DLG2: variants seen among roughly 807,000 people sequenced by gnomAD.
The protein encoded by DLG2 is disks large homolog 2.
In DLG2, 45 loss-of-function variants were observed where a neutral mutation model predicts 132.5. That is an observed-to-expected ratio of 0.34 (90% confidence interval 0.27 to 0.44). The LOEUF (loss-of-function observed/expected upper bound fraction) is 0.44, where lower values mean the gene tolerates loss of function less well. DLG2 is among the 20% of genes least tolerant of loss of function. The pLI is 1.00. For synonymous variants in DLG2, 424 were observed against 419.6 expected (o/e 1.01, Z -0.13); for missense variants, 1,045 against 1,196.9 (o/e 0.87, Z 1.87).
chr11:84,832,387 A>G (rs2079153941), intron 6 of DLG2, among the ~76,000 whole-genome samples: 1 of 151,682 alleles, frequency 6.6e-6, no homozygotes. Flanking sequence ...ATGCTTTTGA[A>G]GTAGGACAAA....
chr11:83,978,096 G>T (rs1451055995), intron 12 of DLG2, among the ~76,000 whole-genome samples: 1 of 151,128 alleles, frequency 6.6e-6, no homozygotes, highest in Admixed American at 6.6e-5. Context: ...TTATATCTAC[G>T]ATGAATATCA....
chr11:85,280,994 A>G (rs2078189298), intron 4 of DLG2, among the ~76,000 whole-genome samples: 1 of 152,026 alleles, frequency 6.6e-6, no homozygotes. Flanking sequence ...ACAACATATT[A>G]CAGGTTAAAA....
chr11:84,467,952 A>G (rs2099098827), intron 7 of DLG2, among the ~76,000 whole-genome samples: 1 of 151,566 alleles, frequency 6.6e-6, no homozygotes, highest in South Asian at 2.1e-4. Flanking sequence ...TATTGAATCC[A>G]GGAAATATGA....
At chr11:83,482,226 T>G (rs888914841) in intron 22 of DLG2, among the ~76,000 whole-genome samples, 1 of 152,102 alleles carries the variant, frequency 6.6e-6, no homozygotes, top group Non-Finnish European at 1.5e-5. Context: ...GTATCAATAC[T>G]CAGGGTTATA....
chr11:84,041,847 T>G (rs563715046), intron 11 of DLG2, among the ~76,000 whole-genome samples: 12 of 151,914 alleles, frequency 7.9e-5, no homozygotes, highest in African/African-American at 2.4e-4. Context: ...TGGTGGGCGG[T>G]GATTGAATTA....
intron 7 of DLG2, among the ~76,000 whole-genome samples, chr11:84,462,324 T>C (rs2099082469): frequency 6.6e-6 from 1 of 151,094 alleles, no homozygotes; most frequent in Non-Finnish European, 1.5e-5. Context: ...ACATTCTATT[T>C]GATGACTATA....
chr11:83,859,398 A>C (rs2061066167), intron 16 of DLG2, among the ~76,000 whole-genome samples: 1 of 152,182 alleles, frequency 6.6e-6, no homozygotes, highest in Non-Finnish European at 1.5e-5. Flanking sequence ...GGAAACGGGG[A>C]ACTTGTTGGG....
intron 11 of DLG2, among the ~76,000 whole-genome samples, chr11:84,037,118 G>A (rs1347492615): frequency 6.6e-6 from 1 of 152,002 alleles, no homozygotes; most frequent in Admixed American, 6.6e-5. Context: ...CCATGTAACA[G>A]GTAATATACC....
At chr11:85,237,274 G>A (rs2016454217) in intron 4 of DLG2, among the ~76,000 whole-genome samples, 2 of 151,958 alleles carry the variant, frequency 1.3e-5, no homozygotes, top group Non-Finnish European at 2.9e-5. Context: ...AAAGGAGGGT[G>A]GAAATTAAAA....
chr11:84,417,249 T>C (rs1202056369), intron 7 of DLG2, among the ~76,000 whole-genome samples: 1 of 152,206 alleles, frequency 6.6e-6, no homozygotes, highest in Admixed American at 6.5e-5. Context: ...ACTTATTATA[T>C]GATCTATGAA....
intron 4 of DLG2, among the ~76,000 whole-genome samples, chr11:85,168,972 T>TC (rs1245504081): frequency 1.3e-5 from 2 of 152,154 alleles, no homozygotes; most frequent in Admixed American, 6.5e-5. Flanking sequence ...AACACGGTCA[T>TC]CCCCTCAGTA....
chr11:84,028,913 C>G (rs1280754056), intron 11 of DLG2, among the ~76,000 whole-genome samples: 1 of 152,006 alleles, frequency 6.6e-6, no homozygotes, highest in African/African-American at 2.4e-5. Flanking sequence ...AAGAAAATTT[C>G]AGAAAAATTT....
chr11:85,099,905 C>G (rs1311728719), intron 6 of DLG2, among the ~76,000 whole-genome samples: 5 of 152,128 alleles, frequency 3.3e-5, no homozygotes, highest in African/African-American at 1.2e-4. Flanking sequence ...CACTCCATAA[C>G]CAAACCAATC....
intron 3 of DLG2, among the ~76,000 whole-genome samples, chr11:85,419,515 G>T (rs544781173): frequency 2.0e-5 from 3 of 151,814 alleles, no homozygotes; most frequent in East Asian, 3.9e-4. Context: ...ATCCTGAAGC[G>T]CAAGCATGTT....
intron 3 of DLG2, among the ~76,000 whole-genome samples, chr11:85,564,716 T>C (rs2077435312): frequency 6.6e-6 from 1 of 152,056 alleles, no homozygotes; most frequent in Non-Finnish European, 1.5e-5. Context: ...TTTTCAAAAC[T>C]GCTTTCATTA....
rs577734071 is a variant in DLG2, at chr11:84,983,359, C to T, written c.357+128302G>A. Among the ~76,000 whole-genome samples, 23 of 152,242 alleles carry T rather than the reference C, an allele frequency of 1.5e-4. No homozygotes were observed. The South Asian group carries it at 3.7e-3, about 25-fold the overall frequency. On this transcript the variant is annotated intron_variant, in intron 6 of 27. Coordinates refer to ENST00000376104, the MANE Select transcript of DLG2 (RefSeq NM_001142699.3). ...CATTATCAGCCCAGAGCCTGGTAGA[C>T]TTGCTGGGTGGCTAGATCCAGAAGA...
intron 3 of DLG2, among the ~76,000 whole-genome samples, chr11:85,395,993 C>T (rs191184286): frequency 1.3e-5 from 2 of 152,274 alleles, no homozygotes; most frequent in African/African-American, 2.4e-5. Flanking sequence ...TGTAGCCTGA[C>T]TGGGAAACAC....
chr11:84,947,644 T>A (rs2050387396), intron 6 of DLG2, among the ~76,000 whole-genome samples: 1 of 152,216 alleles, frequency 6.6e-6, no homozygotes, highest in Admixed American at 6.5e-5. Flanking sequence ...TCCTTTGCTA[T>A]ATAGAAATTT....
intron 18 of DLG2, among the ~76,000 whole-genome samples, chr11:83,654,091 C>T (rs1448803450): frequency 6.6e-6 from 1 of 152,086 alleles, no homozygotes; most frequent in Admixed American, 6.6e-5. Flanking sequence ...GTGGATAAGA[C>T]TGGCTGCCCA....
Sources: allele counts gnomAD v4.1 joint callset (sites outside exome capture counted in the v4.1 genomes callset), GRCh38; gene constraint gnomAD v4.1.1; transcripts MANE v1.5; gene names NCBI Gene and HGNC (gene_info 2026-07-23, HGNC 2026-07-21).